The following CRELD1 variants were observed in gnomAD, a reference collection of about 807,000 sequenced individuals.
CRELD1 encodes CRELD disulfide isomerase 1.
Under a neutral mutation model 58.2 loss-of-function variants are expected in CRELD1, and 42 were observed. The ratio of observed to expected loss-of-function variants is 0.72; its 90% CI spans 0.56 to 0.93. The LOEUF is 0.93. CRELD1 is among the 40% of genes least tolerant of loss of function. CRELD1 has a pLI of 0.00. For synonymous variants in CRELD1, 222 were observed against 202.0 expected, an observed-to-expected ratio of 1.10 and a Z score of -0.84; for missense variants, 500 against 540.6, an observed-to-expected ratio of 0.92 and a Z score of 0.74.
At position 9,941,019 on chromosome 3, in the gene CRELD1, A is replaced by T; in HGVS notation, c.630A>T (p.Val210=). The T allele has an allele frequency of 6.2e-7, 1 of 1,614,170 alleles. No individual in the cohort carries two copies. Among genetic ancestry groups the T allele is most frequent in the Non-Finnish European group, 8.5e-7 (1 of 1,180,024 alleles). ...CAGAACGCAACGCCAGCCATCTGGT[A>T]TGTTCGGGTAGGTAGCCAAAAGGTG... is the stretch of plus-strand genomic sequence containing the variant. ...FEAERNASHL[V]CSACFGPCAR... is the part of the protein sequence containing the mutation. Residue 210 remains valine (V), a synonymous_variant, in exon 6 of 11, where the codon GTA becomes GTT. Coordinates refer to ENST00000452070, the MANE Select transcript of CRELD1 (RefSeq NM_001077415.3).
chr3:9,944,654 T>C lies in CRELD1; in HGVS notation c.*75T>C, dbSNP rs2085471599. ...CTTGGGCTGCCCTCCTGCTGGACAC[T>C]CAGGACAGCTTGGTTTATTTTTGAG... On this transcript the variant is annotated 3_prime_UTR_variant, in exon 11 of 11. Coordinates refer to ENST00000452070, the MANE Select transcript of CRELD1 (RefSeq NM_001077415.3). 1 of 1,343,072 alleles carries C rather than the reference T, an allele frequency of 7.4e-7. No individual in the cohort carries two copies. Among genetic ancestry groups the C allele is most frequent in the South Asian group, 1.2e-5 (1 of 80,852 alleles). The allele number at this position is 1,343,072 out of a possible 1,614,324, so 83.2% of individuals were successfully genotyped here.
Position 9,940,971 on chromosome 3 carries a change from G to T in CRELD1, c.582G>T (p.Gln194His). ...GCTACGGGGGTGAGGCCTGTGGCCA[G>T]TGTGGCCTTGGCTACTTTGAGGCAG... is the stretch of plus-strand genomic sequence containing the variant. ...QAGYGGEACG[Q>H]CGLGYFEAER... The change falls in exon 6 of 11, where the codon CAG (glutamine) becomes CAT (histidine). Residue 194 changes from glutamine to histidine, a missense_variant. Transcript: ENST00000452070. The T allele has an allele frequency of 6.2e-7, 1 of 1,614,202 alleles. No homozygotes were observed. Among genetic ancestry groups the T allele is most frequent in the Non-Finnish European group, 8.5e-7 (1 of 1,180,036 alleles).
At chr3:9,935,494 G>T (rs577977583) in intron 3 of CRELD1, among the ~76,000 whole-genome samples, 1 of 152,122 alleles carries the variant, frequency 6.6e-6, no homozygotes, top group African/African-American at 2.4e-5. Flanking sequence ...TGTAGCAAAC[G>T]GATTGTAAGG....
chr3:9,943,752 C>T, intron 10 of CRELD1: 7 of 1,584,866 alleles, frequency 4.4e-6, no homozygotes, highest in Non-Finnish European at 6.0e-6. Context: ...GCCTCCTTAA[C>T]CTGTTTCCTC....
intron 10 of CRELD1, chr3:9,943,809 C>G (rs903294246): frequency 1.2e-6 from 2 of 1,612,050 alleles, no homozygotes; most frequent in Admixed American, 1.7e-5. Context: ...TGAGAGCTGT[C>G]CTAGGCCGGG....
Position 9,943,084 on chromosome 3 carries a change from C to G in CRELD1, c.825C>G (p.Ala275=). The part of the protein sequence containing the change: ...TEGSYECRDC[A]KACLGCMGAG... The stretch of plus-strand genomic sequence containing the variant: ...TTTCTCTCCTCTCTCCAGACTGTGC[C>G]AAGGCCTGCCTAGGCTGCATGGGGG... Residue 275 remains alanine (A), a synonymous_variant, in exon 9 of 11, where the codon GCC becomes GCG. Coordinates refer to ENST00000452070, the MANE Select transcript of CRELD1 (RefSeq NM_001077415.3). 8.1e-6 allele frequency: 13 copies of G among 1,613,874 alleles called. No homozygotes were observed. Among genetic ancestry groups the G allele is most frequent in the Non-Finnish European group, 1.1e-5 (13 of 1,179,962 alleles).
chr3:9,935,072 C>A, intron 3 of CRELD1, 155 bp downstream of exon 3: 1 of 636,348 alleles, frequency 1.6e-6, no homozygotes, highest in South Asian at 2.0e-5. Flanking sequence ...AGCAAAATGC[C>A]CCCTTCCTGG....
chr3:9,933,985 A>C, intron 1 of CRELD1, 65 bp downstream of exon 1: 1 of 312,976 alleles, frequency 3.2e-6, no homozygotes, highest in Non-Finnish European at 6.0e-6. Context: ...CCTGAATCTG[A>C]TCCCTTCCCT....
chr3:9,943,629 C>A, intron 10 of CRELD1, 114 bp downstream of exon 10: 1 of 1,585,152 alleles, frequency 6.3e-7, no homozygotes, highest in Non-Finnish European at 8.6e-7. Context: ...TGCCACCCAG[C>A]CCCCTGGAGG....
intron 5 of CRELD1, among the ~76,000 whole-genome samples, chr3:9,938,848 A>G: frequency 6.6e-6 from 1 of 151,226 alleles, no homozygotes; most frequent in East Asian, 1.9e-4. Flanking sequence ...CGACAGAGCG[A>G]GACTCTGTCT....
chr3:9,934,311 C>G, intron 1 of CRELD1, 109 bp from the exon 2 acceptor site: 2 of 868,882 alleles, frequency 2.3e-6, no homozygotes, highest in Non-Finnish European at 1.9e-6. Flanking sequence ...GCCTCTTTTG[C>G]TTGTAATAAC....
Position 9,936,686 on chromosome 3 carries a change from C to A in CRELD1, c.258-876C>A, listed in dbSNP as rs1033293832. 3.9e-5 allele frequency among the ~76,000 whole-genome samples: 6 copies of A among 152,002 alleles called. No homozygotes were observed. The East Asian group carries it at 5.8e-4, about 15-fold the overall frequency. On this transcript the variant is annotated intron_variant, in intron 3 of 10. Transcript: ENST00000452070. ...TTCCAGAACATTTTCATTACCCCCCCAAAAAATCCTATACCTATTACACAG... is the reference window on the plus strand; with the variant it reads ...TTCCAGAACATTTTCATTACCCCCCAAAAAAATCCTATACCTATTACACAG...
At position 9,942,893 on chromosome 3, in the gene CRELD1, C is replaced by G; in HGVS notation, c.814C>G (p.Arg272Gly). 1 of 1,613,478 alleles carries G rather than the reference C, an allele frequency of 6.2e-7. No homozygotes were observed. Among genetic ancestry groups the G allele is most frequent in the Non-Finnish European group, 8.5e-7 (1 of 1,179,378 alleles). ...CVNTEGSYECRDCAKACLGCM... is the reference protein window; with the variant it reads ...CVNTEGSYECGDCAKACLGCM... ...GAACACTGAGGGCTCCTATGAGTGC[C>G]GAGGTCAGTGTCTACTTCTGCAGAG... The change falls in exon 8 of 11, where the codon CGA becomes GGA. Residue 272 changes from arginine to glycine, a missense_variant. Coordinates refer to ENST00000452070, the MANE Select transcript of CRELD1 (RefSeq NM_001077415.3).
chr3:9,943,738 G>A (rs781392754), intron 10 of CRELD1: 41 of 985,290 alleles, frequency 4.2e-5, no homozygotes, highest in Non-Finnish European at 4.7e-5. Context: ...CATCAAATCA[G>A]TCTGCCTCCT....
At chr3:9,937,733 G>T in intron 4 of CRELD1, 61 bp downstream of exon 4, 1 of 1,207,198 alleles carries the variant, frequency 8.3e-7, no homozygotes, top group South Asian at 1.3e-5. Flanking sequence ...GATAAGGCCT[G>T]ATTTGGCCGA....
At chr3:9,934,784 C>A in intron 2 of CRELD1, 51 bp from the exon 3 acceptor site, 1 of 1,558,178 alleles carries the variant, frequency 6.4e-7, no homozygotes, top group Non-Finnish European at 8.8e-7. Flanking sequence ...CAGTGAAGTG[C>A]TAGCATGTGC....
intron 4 of CRELD1, 146 bp from the exon 5 acceptor site, chr3:9,937,869 G>A (rs920354807): frequency 2.3e-5 from 17 of 750,332 alleles, no homozygotes; most frequent in African/African-American, 1.9e-4. Context: ...TGCCAAATGG[G>A]GAAAGGGCAT....
In CRELD1 at chr3:9,944,039, G is replaced by A. The variant is rs764304611; in HGVS notation, c.1049-326G>A. On this transcript the variant is annotated intron_variant, in intron 10 of 10. Transcript: ENST00000452070. ...TTTCCCAGGGCTATATGGCAAGCAA[G>A]TCGCAAAGCTGGGATCCCAATCCAG... 3 of 838,270 alleles carry A rather than the reference G, an allele frequency of 3.6e-6. No homozygotes were observed. In the African/African-American group the frequency reaches 5.0e-5, roughly 14 times the overall value. The allele number at this position is 838,270 out of a possible 1,614,324, so 51.9% of individuals were successfully genotyped here.
At chr3:9,943,562 C>T in intron 10 of CRELD1, 47 bp downstream of exon 10, 1 of 1,612,840 alleles carries the variant, frequency 6.2e-7, no homozygotes, top group Non-Finnish European at 8.5e-7. Flanking sequence ...AAAGAGAAGG[C>T]AGGCAAGCCC....
Sources: allele counts gnomAD v4.1 joint callset (sites outside exome capture counted in the v4.1 genomes callset), GRCh38; gene constraint gnomAD v4.1.1; transcripts MANE v1.5; gene names NCBI Gene and HGNC (gene_info 2026-07-23, HGNC 2026-07-21).